The following PWP1 variants were observed in gnomAD, a reference collection of about 807,000 sequenced individuals.
The protein encoded by PWP1 is PWP1 homolog, endonuclein.
Under a neutral mutation model 69.9 loss-of-function variants are expected in PWP1, and 47 were observed. The ratio of observed to expected loss-of-function variants is 0.67; its 90% CI spans 0.53 to 0.86. PWP1 has a LOEUF of 0.86. PWP1 is among the 40% of genes least tolerant of loss of function. PWP1 has a pLI of 0.00. For missense variants in PWP1, 551 were observed against 608.8 expected (o/e 0.91, Z 1.00); for synonymous variants, 222 against 208.2 (o/e 1.07, Z -0.57).
At chr12:107,708,656 G>A (rs763932262) in intron 11 of PWP1, among the ~76,000 whole-genome samples, 18 of 152,180 alleles carry the variant, frequency 1.2e-4, no homozygotes, top group Admixed American at 7.2e-4. Flanking sequence ...TCACGTGGAT[G>A]TAACTATGGC....
At chr12:107,708,281 C>A (rs1274970460) in intron 11 of PWP1, among the ~76,000 whole-genome samples, 2 of 152,200 alleles carry the variant, frequency 1.3e-5, no homozygotes, top group African/African-American at 4.8e-5. Flanking sequence ...GCCAAGCCTT[C>A]TCTTCCCTGG....
chr12:107,696,752 G>T (rs986750798), intron 6 of PWP1, among the ~76,000 whole-genome samples, 168 bp downstream of exon 6: 10 of 152,142 alleles, frequency 6.6e-5, no homozygotes, highest in Admixed American at 5.9e-4. Context: ...TCACTTTATT[G>T]TTTGGGGTTC....
At chr12:107,693,820 T>C (rs1889531066) in intron 5 of PWP1, among the ~76,000 whole-genome samples, 1 of 152,222 alleles carries the variant, frequency 6.6e-6, no homozygotes, top group African/African-American at 2.4e-5. Flanking sequence ...TCTGGCTACT[T>C]TTTCTTTATG....
intron 3 of PWP1, among the ~76,000 whole-genome samples, chr12:107,691,447 T>C (rs531390491): frequency 1.3e-5 from 2 of 152,310 alleles, no homozygotes; most frequent in African/African-American, 2.4e-5. Flanking sequence ...ACATACACTT[T>C]AGGAAGTTAA....
intron 14 of PWP1, among the ~76,000 whole-genome samples, 178 bp from the exon 15 acceptor site, chr12:107,711,933 T>C (rs1025564892): frequency 6.6e-6 from 1 of 152,162 alleles, no homozygotes; most frequent in Non-Finnish European, 1.5e-5. Context: ...CAAAAATAAA[T>C]TGGACCATTT....
Position 107,710,500 on chromosome 12 carries a change from A to C in PWP1, c.1386A>C (p.Thr462=), listed in dbSNP as rs754067824. The change falls in exon 14 of 15, where the codon ACA becomes ACC. Residue 462 remains threonine, a synonymous_variant. Transcript: ENST00000412830. The stretch of plus-strand genomic sequence containing the variant: ...GGCTTCGGGTCTGGGATATAAGCAC[A>C]GTCTCTTCAGGTAAGGATTTTTAGT... ...KEGLRVWDIS[T]VSSVNEAFGR... 1.0e-5 allele frequency: 16 copies of C among 1,591,666 alleles called. No homozygotes were observed. The South Asian group carries it at 1.8e-4, about 18-fold the overall frequency.
At chr12:107,704,538 CTT>C in intron 10 of PWP1, 96 bp from the exon 11 acceptor site, 1 of 793,454 alleles carries the variant, frequency 1.3e-6, no homozygotes, top group Admixed American at 2.9e-5. Context: ...TTAAATGAAT[CTT>C]GATTTCACAG....
intron 10 of PWP1, among the ~76,000 whole-genome samples, chr12:107,704,301 G>A (rs1291663346): frequency 6.6e-6 from 1 of 152,194 alleles, no homozygotes; most frequent in East Asian, 1.9e-4. Flanking sequence ...CCTAAGACAT[G>A]AGTAACCTGG....
intron 1 of PWP1, among the ~76,000 whole-genome samples, chr12:107,686,895 G>A (rs1889376701): frequency 6.8e-6 from 1 of 147,504 alleles, no homozygotes; most frequent in South Asian, 2.2e-4. Flanking sequence ...GAACCCGGGA[G>A]GCGGAGCTTG....
intron 10 of PWP1, among the ~76,000 whole-genome samples, chr12:107,704,143 A>C (rs972383072): frequency 6.6e-6 from 1 of 152,240 alleles, no homozygotes; most frequent in Admixed American, 6.5e-5. Flanking sequence ...CAGATAGTAG[A>C]AGCCAAAACC....
At chr12:107,697,619 T>C in intron 7 of PWP1, 22 bp downstream of exon 7, 1 of 1,587,972 alleles carries the variant, frequency 6.3e-7, no homozygotes, top group Non-Finnish European at 8.6e-7. Flanking sequence ...AATAAATATT[T>C]AAACTCTAAT....
intron 3 of PWP1, among the ~76,000 whole-genome samples, chr12:107,689,548 C>T (rs1246978170): frequency 1.3e-5 from 2 of 152,176 alleles, no homozygotes; most frequent in Non-Finnish European, 2.9e-5. Flanking sequence ...GAGTTCGAGA[C>T]CAGCCGGGCC....
At chr12:107,706,069 G>C (rs1304760690) in intron 11 of PWP1, among the ~76,000 whole-genome samples, 1 of 152,176 alleles carries the variant, frequency 6.6e-6, no homozygotes, top group Non-Finnish European at 1.5e-5. Context: ...GTTGTTTCCT[G>C]ACTTTTTAAT....
At position 107,697,613 on chromosome 12, in the gene PWP1, A is replaced by C. The variant is rs978079785; in HGVS notation, c.744+16A>C. ...AGGAAAGAAGGTAAAGAAGTTAATA[A>C]ATATTTAAACTCTAATGACAGAGGT... On this transcript the variant is annotated intron_variant, in intron 7 of 14. Coordinates refer to ENST00000412830, the MANE Select transcript of PWP1 (RefSeq NM_007062.3). 1 of 1,593,436 alleles carries C rather than the reference A, an allele frequency of 6.3e-7. No homozygotes were observed. The highest frequency in any genetic ancestry group is 8.5e-7 in the Non-Finnish European group (1 of 1,170,162).
Position 107,688,683 on chromosome 12 carries a change from G to T in PWP1, c.200G>T (p.Arg67Leu), listed in dbSNP as rs538198996. ...TCAGAAGATGGCATGCAGAGTGCACGCACCCAGGCACGCCCAAGAGAGCCC... is the reference window on the plus strand; with the variant it reads ...TCAGAAGATGGCATGCAGAGTGCACTCACCCAGGCACGCCCAAGAGAGCCC... ...SPSEDGMQSA[R>L]TQARPREPLE... Residue 67 changes from arginine (R) to leucine (L), a missense_variant, in exon 3 of 15, where the codon CGC becomes CTC. By Grantham distance (102) the Arg-to-Leu change is moderately radical. Transcript: ENST00000412830. 3 of 1,614,178 alleles carry T rather than the reference G, an allele frequency of 1.9e-6. No individual in the cohort carries two copies. In the South Asian group the frequency reaches 3.3e-5, roughly 18 times the overall value.
chr12:107,700,903 CCT>C (rs1555257446), intron 8 of PWP1, among the ~76,000 whole-genome samples: 4 of 152,122 alleles, frequency 2.6e-5, no homozygotes, highest in Admixed American at 2.6e-4. Flanking sequence ...CATTTCCCCC[CCT>C]TTTTTTAAGG....
chr12:107,707,382 CTTTA>C, intron 11 of PWP1, among the ~76,000 whole-genome samples: 1 of 152,202 alleles, frequency 6.6e-6, no homozygotes, highest in East Asian at 1.9e-4. Context: ...ATTGAATACC[CTTTA>C]TTTCTTTCTC....
At chr12:107,706,815 G>A (rs1423786454) in intron 11 of PWP1, among the ~76,000 whole-genome samples, 2 of 152,216 alleles carry the variant, frequency 1.3e-5, no homozygotes, top group African/African-American at 4.8e-5. Context: ...TTGTAGTATA[G>A]TTTGAAGTCA....
chr12:107,711,831 A>G (rs1027724255), intron 14 of PWP1, among the ~76,000 whole-genome samples: 3 of 152,226 alleles, frequency 2.0e-5, no homozygotes, highest in Non-Finnish European at 2.9e-5. Flanking sequence ...CAGAAGTAGA[A>G]TAAGGCCAGG....
Sources: allele counts gnomAD v4.1 joint callset (sites outside exome capture counted in the v4.1 genomes callset), GRCh38; gene constraint gnomAD v4.1.1; transcripts MANE v1.5; gene names NCBI Gene and HGNC (gene_info 2026-07-23, HGNC 2026-07-21).